SEC23B: variants seen among roughly 807,000 people sequenced by gnomAD.
SEC23B encodes SEC23 homolog B, COPII component.
Under a neutral mutation model 104.3 loss-of-function variants are expected in SEC23B, and 77 were observed. The ratio of observed to expected loss-of-function variants is 0.74; its 90% CI spans 0.61 to 0.89. The LOEUF is 0.89. SEC23B is among the 40% of genes least tolerant of loss of function. The pLI is 0.00. For missense variants in SEC23B, 885 were observed against 949.4 expected (o/e 0.93, Z 0.89); for synonymous variants, 338 against 332.5 (o/e 1.02, Z -0.18).
At chr20:18,511,889 A>G (rs2059985109) in intron 2 of SEC23B, among the ~76,000 whole-genome samples, 1 of 152,226 alleles carries the variant, frequency 6.6e-6, no homozygotes, top group Admixed American at 6.5e-5. Flanking sequence ...GATGTTAGAA[A>G]AAAATCATGA....
intron 4 of SEC23B, among the ~76,000 whole-genome samples, chr20:18,516,405 A>C (rs544844494): frequency 9.2e-5 from 14 of 152,174 alleles, no homozygotes; most frequent in Non-Finnish European, 1.9e-4. Context: ...TTTCTGCTAC[A>C]TTGTGTTTTA....
chr20:18,560,616 A>G (rs751537560), intron 19 of SEC23B, 35 bp from the exon 20 acceptor site: 3 of 1,526,682 alleles, frequency 2.0e-6, no homozygotes, highest in Admixed American at 3.3e-5. Context: ...AGCTTCTAAG[A>G]TATCTGCCAA....
At chr20:18,541,710 G>A (rs1013266706) in intron 12 of SEC23B, among the ~76,000 whole-genome samples, 46 of 152,126 alleles carry the variant, frequency 3.0e-4, no homozygotes, top group African/African-American at 1.1e-3. Context: ...AATTAAAATG[G>A]TAACATCAAA....
intron 4 of SEC23B, among the ~76,000 whole-genome samples, chr20:18,516,739 G>A (rs1404343022): frequency 6.6e-6 from 1 of 151,716 alleles, no homozygotes; most frequent in Non-Finnish European, 1.5e-5. Flanking sequence ...ATTTTTAGTA[G>A]AGACGGGGTT....
chr20:18,550,317 G>A (rs2060376392), intron 16 of SEC23B, among the ~76,000 whole-genome samples: 1 of 151,804 alleles, frequency 6.6e-6, no homozygotes, highest in African/African-American at 2.4e-5. Context: ...ACTACAGCCC[G>A]GCTAATTTTT....
intron 5 of SEC23B, 54 bp downstream of exon 5, chr20:18,524,723 C>A: frequency 6.9e-7 from 1 of 1,448,096 alleles, no homozygotes; most frequent in Non-Finnish European, 9.7e-7. Context: ...TTAAAAGAGA[C>A]TGGGGTCTCT....
chr20:18,554,336 G>T lies in SEC23B; in HGVS notation c.2094G>T (p.Leu698=), dbSNP rs774975783. ...QAPLDDAQEI[L]QARFPMPRYI... ...CACTGGATGATGCTCAAGAAATTCTGCAAGCACGCTTCCCGATGCCACGTT... is the reference window on the plus strand; with the variant it reads ...CACTGGATGATGCTCAAGAAATTCTTCAAGCACGCTTCCCGATGCCACGTT... The change falls in exon 18 of 20, where the codon CTG becomes CTT. Residue 698 remains leucine, a synonymous_variant. Transcript: ENST00000650089. The T allele has an allele frequency of 1.2e-6, 2 of 1,614,212 alleles. No homozygotes were observed. Among genetic ancestry groups the T allele is most frequent in the Non-Finnish European group, 1.7e-6 (2 of 1,180,042 alleles).
In SEC23B at chr20:18,537,712, T is replaced by C. The variant is rs564820499; in HGVS notation, c.1404+1970T>C. On this transcript the variant is annotated intron_variant, in intron 12 of 19. Coordinates refer to ENST00000650089, the MANE Select transcript of SEC23B (RefSeq NM_006363.6). ...GTAACTAACCTGCACATTGTGCACA[T>C]GTACCCTAAAACTTAAAGTATAATA... is the stretch of plus-strand genomic sequence containing the variant. Among the ~76,000 whole-genome samples the C allele has an allele frequency of 3.3e-5, 5 of 152,128 alleles. No homozygotes were observed. The South Asian group carries it at 1.0e-3, about 32-fold the overall frequency.
At chr20:18,555,631 A>T (rs1190611765) in intron 19 of SEC23B, among the ~76,000 whole-genome samples, 1 of 152,110 alleles carries the variant, frequency 6.6e-6, no homozygotes, top group African/African-American at 2.4e-5. Context: ...TCTCTCTCAG[A>T]TGAGTCTTTC....
At chr20:18,512,303 A>C (rs2059988334) in intron 3 of SEC23B, 21 bp downstream of exon 3, 1 of 1,444,922 alleles carries the variant, frequency 6.9e-7, no homozygotes, top group African/African-American at 1.4e-5. Flanking sequence ...TATTTTTAAA[A>C]AATGTTATAT....
intron 10 of SEC23B, among the ~76,000 whole-genome samples, chr20:18,531,927 G>T (rs924119661): frequency 5.9e-5 from 9 of 151,928 alleles, no homozygotes; most frequent in African/African-American, 1.7e-4. Flanking sequence ...GTGTGGTGGT[G>T]CACACCTGTG....
chr20:18,507,567 T>C (rs1309624664), upstream of SEC23B: 1 of 152,330 alleles, frequency 6.6e-6, no homozygotes, highest in Non-Finnish European at 1.5e-5. Context: ...CGTTCTCGCT[T>C]TCCGGTAGCT....
chr20:18,560,175 C>T (rs2060478974), intron 19 of SEC23B, among the ~76,000 whole-genome samples: 1 of 151,714 alleles, frequency 6.6e-6, no homozygotes, highest in Non-Finnish European at 1.5e-5. Flanking sequence ...GGTTTCTATT[C>T]AATTTTTCCC....
In SEC23B at chr20:18,525,021, G is replaced by C. The variant is rs398124226; in HGVS notation, c.689+1G>C. On this transcript the variant is annotated splice_donor_variant, in intron 6 of 19. Transcript: ENST00000650089. LOFTEE classifies it high-confidence loss of function. ...AGGAGCACCCTTTTGCTTCAAGCAG[G>C]TGAGAGCCCAACATGGAGTGTTACA... 3.1e-6 allele frequency: 5 copies of C among 1,613,920 alleles called. No homozygotes were observed. In the Admixed American group the frequency reaches 8.3e-5, roughly 27 times the overall value.
intron 12 of SEC23B, among the ~76,000 whole-genome samples, chr20:18,539,287 C>T (rs2060265935): frequency 6.6e-6 from 1 of 151,080 alleles, no homozygotes; most frequent in Non-Finnish European, 1.5e-5. Flanking sequence ...AGGTGGATCA[C>T]GAGGTCAAGA....
At chr20:18,518,667 T>C (rs1386288886) in intron 4 of SEC23B, among the ~76,000 whole-genome samples, 1 of 126,556 alleles carries the variant, frequency 7.9e-6, no homozygotes, top group Non-Finnish European at 1.6e-5. Context: ...AGTGGGAGAG[T>C]AAACAGGAGT....
At chr20:18,514,408 TCTG>T (rs1047658705) in intron 3 of SEC23B, among the ~76,000 whole-genome samples, 1 of 152,120 alleles carries the variant, frequency 6.6e-6, no homozygotes, top group African/African-American at 2.4e-5. Context: ...GCTAGAGTCT[TCTG>T]CTGGCTCTGA....
At chr20:18,527,689 AT>A in intron 9 of SEC23B, 78 bp downstream of exon 9, 1 of 969,332 alleles carries the variant, frequency 1.0e-6, no homozygotes, top group South Asian at 1.3e-5. Flanking sequence ...AGCCATAGGA[AT>A]GGGCAAGGCC....
Position 18,524,462 on chromosome 20 carries a change from C to A in SEC23B, c.396C>A (p.Leu132=). The change falls in exon 5 of 20, where the codon CTC becomes CTA. Residue 132 remains leucine (L), a synonymous_variant. Coordinates refer to ENST00000650089, the MANE Select transcript of SEC23B (RefSeq NM_006363.6). ...GTGCTCAGTCCCCTCTGATCTTTCT[C>A]TATGTGGTTGACACATGCCTGGAGG... ...QRGAQSPLIF[L]YVVDTCLEED... 1 of 1,614,172 alleles carries A rather than the reference C, an allele frequency of 6.2e-7. No individual in the cohort carries two copies. Among genetic ancestry groups the A allele is most frequent in the Non-Finnish European group, 8.5e-7 (1 of 1,180,012 alleles).
Sources: allele counts gnomAD v4.1 joint callset (sites outside exome capture counted in the v4.1 genomes callset), GRCh38; gene constraint gnomAD v4.1.1; transcripts MANE v1.5; gene names NCBI Gene and HGNC (gene_info 2026-07-23, HGNC 2026-07-21).